The following MPP1 variants were observed in gnomAD, a reference collection of about 807,000 sequenced individuals.
MPP1 encodes the protein 55 kDa erythrocyte membrane protein.
In MPP1, 6 loss-of-function variants were observed where a neutral mutation model predicts 38.2. That is an observed-to-expected ratio of 0.16 (90% CI 0.09 to 0.31). MPP1 has a LOEUF of 0.31. Among genes scored for constraint, MPP1 ranks in the 10% least tolerant of loss-of-function variants. The pLI is 1.00. For missense variants in MPP1, 293 were observed against 368.9 expected, an observed-to-expected ratio of 0.79 and a Z score of 1.69; for synonymous variants, 153 against 146.3, an observed-to-expected ratio of 1.05 and a Z score of -0.33.
At chrX:154,781,006 G>A (rs963267232) in intron 11 of MPP1, among the ~76,000 whole-genome samples, 22 of 112,170 alleles carry the variant, frequency 2.0e-4, no homozygotes, top group Non-Finnish European at 3.9e-4. Flanking sequence ...CCTCCAGGAC[G>A]ATGACTGGGT....
intron 1 of MPP1, among the ~76,000 whole-genome samples, chrX:154,801,636 G>A (rs182399943): frequency 1.9e-5 from 2 of 108,088 alleles, no homozygotes; most frequent in South Asian, 4.1e-4. Flanking sequence ...GCAGGCGCCT[G>A]TAATCCCAGC....
At chrX:154,781,037 T>C (rs1404869394) in intron 11 of MPP1, among the ~76,000 whole-genome samples, 1 of 111,624 alleles carries the variant, frequency 9.0e-6, no homozygotes, top group Non-Finnish European at 1.9e-5. Context: ...TTGTCCCTGT[T>C]AGGTAGCATG....
At chrX:154,791,921 T>C in intron 2 of MPP1, 74 bp from the exon 3 acceptor site, 4 of 1,059,749 alleles carry the variant, frequency 3.8e-6, no homozygotes, top group Non-Finnish European at 5.2e-6. Context: ...GAACTTACGG[T>C]AATTTCTCAG....
At chrX:154,798,757 A>G (rs1403860771) in intron 1 of MPP1, among the ~76,000 whole-genome samples, 4 of 111,134 alleles carry the variant, frequency 3.6e-5, no homozygotes, top group Non-Finnish European at 7.5e-5. Context: ...TTTTTGAGAC[A>G]GACTTTCACT....
chrX:154,792,392 T>TAAG (rs1269596039), intron 1 of MPP1, 107 bp from the exon 2 acceptor site: 1 of 959,740 alleles, frequency 1.0e-6, no homozygotes, highest in Admixed American at 3.0e-5. Flanking sequence ...ACTTATTTCA[T>TAAG]AAGTTTGGCC....
intron 7 of MPP1, 73 bp downstream of exon 7, chrX:154,784,978 C>T (rs1487354910): frequency 1.0e-6 from 1 of 980,026 alleles, no homozygotes; most frequent in Non-Finnish European, 1.4e-6. Context: ...CTCCCCTTTT[C>T]TGCTGGTTAC....
chrX:154,800,154 C>T (rs1005051881), intron 1 of MPP1, among the ~76,000 whole-genome samples: 21 of 112,398 alleles, frequency 1.9e-4, no homozygotes, highest in African/African-American at 6.1e-4. Flanking sequence ...CCCAGGTGCT[C>T]GCAAATTCCC....
chrX:154,779,058 G>T lies in MPP1; in HGVS notation c.*119C>A. 1 of 650,847 alleles carries T rather than the reference G, an allele frequency of 1.5e-6. No individual in the cohort carries two copies. The highest frequency in any genetic ancestry group is 2.3e-6 in the Non-Finnish European group (1 of 434,570). 53.6% of individuals were successfully genotyped at this position (650,847 alleles called of 1,213,427 possible). A position where few individuals can be genotyped will look rare whatever the true frequency, so the allele number is the denominator to read the frequency against. On this transcript the variant is annotated 3_prime_UTR_variant, in exon 12 of 12. Coordinates refer to ENST00000369534, the MANE Select transcript of MPP1 (RefSeq NM_002436.4). Reference sequence around the variant, plus strand: ...CCTTACTGGCTGAATTAGGATAGCTGCAGAGAGCTGGAAGCTGACACAAAA... The same window carrying T: ...CCTTACTGGCTGAATTAGGATAGCTTCAGAGAGCTGGAAGCTGACACAAAA...
intron 6 of MPP1, 26 bp downstream of exon 6, chrX:154,786,178 C>T: frequency 2.5e-6 from 3 of 1,186,831 alleles, no homozygotes; most frequent in South Asian, 1.8e-5. Context: ...GCACATGGCC[C>T]TTCCACCTGC....
rs782062595 is a variant in MPP1 at position 154,781,320 on chromosome X, A to G, written c.1150-7T>C. 9.4e-6 allele frequency: 11 copies of G among 1,173,007 alleles called. No individual in the cohort carries two copies. The highest frequency in any genetic ancestry group is 1.0e-5 in the Non-Finnish European group (9 of 875,407). ...TCCGAACAATTTTCAGGGTCTAGAA[A>G]AAAAAAAGAAGGGCGGCGGGGAGGG... On this transcript the variant is annotated splice_region_variant and splice_polypyrimidine_tract_variant and intron_variant, in intron 10 of 11. Transcript: ENST00000369534.
intron 5 of MPP1, among the ~76,000 whole-genome samples, chrX:154,788,279 G>C (rs1557267425): frequency 8.9e-6 from 1 of 111,805 alleles, no homozygotes; most frequent in Non-Finnish European, 1.9e-5. Flanking sequence ...AACATACTTG[G>C]GATGCATATG....
chrX:154,800,761 GTGCAGGTACATGGAGAGAA>G (rs2072253098), intron 1 of MPP1, among the ~76,000 whole-genome samples: 1 of 112,358 alleles, frequency 8.9e-6, no homozygotes, highest in South Asian at 3.7e-4. Context: ...TTTGGAGTTT[GTGCAGGTACATGGAGAGAA>G]TGCAGGTGCT....
chrX:154,780,921 T>C (rs1331415111), intron 11 of MPP1, among the ~76,000 whole-genome samples: 2 of 111,901 alleles, frequency 1.8e-5, no homozygotes, highest in African/African-American at 6.5e-5. Context: ...CCATCACAGC[T>C]TCCCCTGCCA....
chrX:154,787,385 A>G (rs1401036914), intron 5 of MPP1, among the ~76,000 whole-genome samples: 1 of 111,723 alleles, frequency 9.0e-6, no homozygotes, highest in Non-Finnish European at 1.9e-5. Context: ...ACAACCAAAC[A>G]GGATCTAGTT....
rs964936462 is a variant in MPP1 at position 154,778,944 on chromosome X, A to G, written c.*233T>C. On this transcript the variant is annotated 3_prime_UTR_variant, in exon 12 of 12. Coordinates refer to ENST00000369534, the MANE Select transcript of MPP1 (RefSeq NM_002436.4). Reference sequence around the variant, plus strand: ...ATTTTGGTAGTACTTCTTACCCCCAATTTCTAGAAATCCTTTTCAAATCCA... The same window carrying G: ...ATTTTGGTAGTACTTCTTACCCCCAGTTTCTAGAAATCCTTTTCAAATCCA... The G allele has an allele frequency of 5.4e-6, 2 of 368,508 alleles. No individual in the cohort carries two copies. The highest frequency in any genetic ancestry group is 7.3e-5 in the South Asian group (1 of 13,770). The allele number at this position is 368,508 out of a possible 1,213,427, so 30.4% of individuals were successfully genotyped here.
intron 1 of MPP1, among the ~76,000 whole-genome samples, chrX:154,801,784 A>C (rs2072268127): frequency 1.3e-5 from 1 of 74,344 alleles, no homozygotes; most frequent in South Asian, 5.3e-4. Context: ...AAAAAAAAAA[A>C]AACAAAAAAC....
intron 7 of MPP1, chrX:154,784,788 C>T: frequency 2.4e-6 from 1 of 420,290 alleles, no homozygotes; most frequent in Non-Finnish European, 4.4e-6. Flanking sequence ...TTCCCCTCTC[C>T]CACCACATCT....
chrX:154,781,386 A>C, intron 10 of MPP1, 73 bp from the exon 11 acceptor site: 1 of 884,370 alleles, frequency 1.1e-6, no homozygotes, highest in Non-Finnish European at 1.6e-6. Flanking sequence ...AAAAACCTAC[A>C]TAGCTGTCAT....
chrX:154,793,016 C>T (rs1557267905), intron 1 of MPP1, among the ~76,000 whole-genome samples: 1 of 111,540 alleles, frequency 9.0e-6, no homozygotes, highest in Non-Finnish European at 1.9e-5. Flanking sequence ...GACAAACGAC[C>T]CATGTAATGG....
Sources: allele counts gnomAD v4.1 joint callset (sites outside exome capture counted in the v4.1 genomes callset), GRCh38; gene constraint gnomAD v4.1.1; transcripts MANE v1.5; gene names NCBI Gene and HGNC (gene_info 2026-07-23, HGNC 2026-07-21).